The following IL1RAPL1 variants were observed in gnomAD, a reference collection of about 807,000 sequenced individuals.
IL1RAPL1 encodes the protein interleukin-1 receptor accessory protein-like 1.
Under a neutral mutation model 48.4 loss-of-function variants are expected in IL1RAPL1, and 3 were observed. That is an observed-to-expected ratio of 0.06 (90% CI 0.03 to 0.16). The LOEUF is 0.16. Among genes scored for constraint, IL1RAPL1 ranks in the 10% least tolerant of loss-of-function variants. IL1RAPL1 has a pLI of 1.00. For synonymous variants in IL1RAPL1, 185 were observed against 187.7 expected (o/e 0.99, Z 0.12); for missense variants, 349 against 530.6 (o/e 0.66, Z 3.36).
intron 6 of IL1RAPL1, among the ~76,000 whole-genome samples, chrX:29,802,952 T>TATGTATGC (rs1930017631): frequency 2.0e-5 from 1 of 49,990 alleles, no homozygotes; most frequent in African/African-American, 8.4e-5. Flanking sequence ...TGTATGCATA[T>TATGTATGC]ATGTATACAT....
intron 1 of IL1RAPL1, among the ~76,000 whole-genome samples, chrX:28,766,547 A>G (rs768333231): frequency 1.2e-4 from 13 of 111,293 alleles, no homozygotes; most frequent in Non-Finnish European, 2.1e-4. Flanking sequence ...AAATAATCCA[A>G]TTACACTCTT....
intron 3 of IL1RAPL1, among the ~76,000 whole-genome samples, chrX:29,324,333 C>G (rs1932829970): frequency 9.0e-6 from 1 of 111,166 alleles, no homozygotes; most frequent in South Asian, 3.8e-4. Context: ...AATGAAGACC[C>G]CAAGATACAG....
At chrX:29,612,721 TA>T (rs1216126082) in intron 5 of IL1RAPL1, among the ~76,000 whole-genome samples, 5 of 112,227 alleles carry the variant, frequency 4.5e-5, no homozygotes, top group African/African-American at 1.6e-4. Context: ...TAGTGATCCT[TA>T]ATTATTACTT....
At position 28,679,395 on chromosome X, in the gene IL1RAPL1, T is replaced by G. The variant is rs1001558501; in HGVS notation, c.-25+91348T>G. On this transcript the variant is annotated intron_variant, in intron 1 of 10. Coordinates refer to ENST00000378993, the MANE Select transcript of IL1RAPL1 (RefSeq NM_014271.4). ...ATAGTTTGCACATATTTTCTCCCACTTCGTAAGTTTTGTTTTTGTTTTTAT... is the reference window on the plus strand; with the variant it reads ...ATAGTTTGCACATATTTTCTCCCACGTCGTAAGTTTTGTTTTTGTTTTTAT... 6.6e-4 allele frequency among the ~76,000 whole-genome samples: 74 copies of G among 111,779 alleles called. 1 individual carries two copies. The highest frequency in any genetic ancestry group is 1.5e-4 in the Non-Finnish European group (8 of 53,099).
At chrX:29,801,129 G>A (rs1162323628) in intron 6 of IL1RAPL1, among the ~76,000 whole-genome samples, 6 of 91,026 alleles carry the variant, frequency 6.6e-5, no homozygotes, top group South Asian at 1.1e-3. Flanking sequence ...AAACAGCTTC[G>A]TTTCTAGATT....
chrX:29,343,988 CA>C (rs1278154943), intron 3 of IL1RAPL1, among the ~76,000 whole-genome samples: 1 of 111,949 alleles, frequency 8.9e-6, no homozygotes, highest in Non-Finnish European at 1.9e-5. Context: ...AACAAGATGC[CA>C]AGTACAGTAT....
intron 3 of IL1RAPL1, among the ~76,000 whole-genome samples, chrX:29,332,095 CTTTTTTT>C (rs72360733): frequency 1.5e-3 from 42 of 27,888 alleles, no homozygotes; most frequent in African/African-American, 4.2e-3. Context: ...ATTCTAAGGT[CTTTTTTT>C]TTTTTTTTTT....
rs1367725973 is a variant in IL1RAPL1 at position 28,952,711 on chromosome X, A to T, written c.82+163286A>T. On this transcript the variant is annotated intron_variant, in intron 2 of 10. Coordinates refer to ENST00000378993, the MANE Select transcript of IL1RAPL1 (RefSeq NM_014271.4). Reference sequence around the variant, plus strand: ...TTATTGATGACATCCATGTTTGAAAAGAAAGGAAAAGTGTTTTTATGGAAA... The same window carrying T: ...TTATTGATGACATCCATGTTTGAAATGAAAGGAAAAGTGTTTTTATGGAAA... Among the ~76,000 whole-genome samples, 5 of 111,546 alleles carry T rather than the reference A, an allele frequency of 4.5e-5. No individual in the cohort carries two copies. In the East Asian group the frequency reaches 1.4e-3, roughly 31 times the overall value.
Position 29,795,678 on chromosome X carries a change from T to A in IL1RAPL1, c.779-121786T>A, listed in dbSNP as rs375238930. Among the ~76,000 whole-genome samples the A allele has an allele frequency of 4.4e-5, 5 of 113,316 alleles. No homozygotes were observed. The East Asian group carries it at 8.3e-4, about 19-fold the overall frequency. ...CACCTGCCTCAGCCTCCCAGAGTGCTGGGATTTTAGGCATGAGCCGCTGGG... is the reference window on the plus strand; with the variant it reads ...CACCTGCCTCAGCCTCCCAGAGTGCAGGGATTTTAGGCATGAGCCGCTGGG... On this transcript the variant is annotated intron_variant, in intron 6 of 10. Transcript: ENST00000378993.
In IL1RAPL1 at chrX:28,958,824, C is replaced by T. The variant is rs1924687053; in HGVS notation, c.82+169399C>T. On this transcript the variant is annotated intron_variant, in intron 2 of 10. Transcript: ENST00000378993. ...AGCTCTAATTACAATTTGTATTGGA[C>T]ATTGATTCTAATAATCCATAATAAT... 2.7e-5 allele frequency among the ~76,000 whole-genome samples: 3 copies of T among 110,892 alleles called. No homozygotes were observed. The South Asian group carries it at 1.1e-3, about 42-fold the overall frequency.
chrX:28,824,101 CTTG>C (rs1246694269), intron 2 of IL1RAPL1, among the ~76,000 whole-genome samples: 1 of 111,201 alleles, frequency 9.0e-6, no homozygotes, highest in African/African-American at 3.3e-5. Flanking sequence ...GCATTTCAAA[CTTG>C]TTTTCTGTAA....
intron 2 of IL1RAPL1, among the ~76,000 whole-genome samples, chrX:29,134,376 T>C (rs1453263653): frequency 1.8e-5 from 2 of 112,373 alleles, no homozygotes; most frequent in Non-Finnish European, 3.8e-5. Context: ...TTGTCAGTGT[T>C]CAGGATTTTA....
chrX:29,673,881 A>T (rs2147102219), intron 6 of IL1RAPL1, among the ~76,000 whole-genome samples: 1 of 112,081 alleles, frequency 8.9e-6, no homozygotes, highest in East Asian at 2.8e-4. Flanking sequence ...TGACTGACCT[A>T]AAAAGGAATA....
chrX:29,330,889 G>C (rs1932879617), intron 3 of IL1RAPL1, among the ~76,000 whole-genome samples: 1 of 111,762 alleles, frequency 8.9e-6, no homozygotes, highest in African/African-American at 3.3e-5. Flanking sequence ...TGATGAGGCC[G>C]GGAGTGGTGG....
chrX:29,401,855 G>A (rs762064616), intron 5 of IL1RAPL1, among the ~76,000 whole-genome samples: 4 of 110,673 alleles, frequency 3.6e-5, no homozygotes, highest in Non-Finnish European at 5.7e-5. Flanking sequence ...ACAGTGAAAG[G>A]AATTATAAAC....
chrX:29,824,948 A>G (rs1376274298), intron 6 of IL1RAPL1, among the ~76,000 whole-genome samples: 1 of 108,058 alleles, frequency 9.3e-6, no homozygotes, highest in Non-Finnish European at 1.9e-5. Context: ...GAAGATCTAC[A>G]CAATAAAGGA....
intron 1 of IL1RAPL1, among the ~76,000 whole-genome samples, chrX:28,593,988 ACT>A (rs1321795755): frequency 8.1e-5 from 9 of 110,781 alleles, no homozygotes; most frequent in South Asian, 7.5e-4. Flanking sequence ...GAATATAATA[ACT>A]CTTTAAAAAT....
At chrX:28,771,931 C>T (rs1936311919) in intron 1 of IL1RAPL1, among the ~76,000 whole-genome samples, 1 of 70,950 alleles carries the variant, frequency 1.4e-5, no homozygotes, top group Non-Finnish European at 2.5e-5. Flanking sequence ...GAGCGAGACT[C>T]CGTCTCAAAA....
chrX:29,344,209 C>A (rs1460400220), intron 3 of IL1RAPL1, among the ~76,000 whole-genome samples: 1 of 112,049 alleles, frequency 8.9e-6, no homozygotes, highest in Admixed American at 9.5e-5. Context: ...TGGATCATTT[C>A]CTTTCAACCA....
Sources: allele counts gnomAD v4.1 joint callset (sites outside exome capture counted in the v4.1 genomes callset), GRCh38; gene constraint gnomAD v4.1.1; transcripts MANE v1.5; gene names NCBI Gene and HGNC (gene_info 2026-07-23, HGNC 2026-07-21).